The following ZNF148 variants were observed in gnomAD, a reference collection of about 807,000 sequenced individuals.
The protein encoded by ZNF148 is zinc finger protein 148.
Under a neutral mutation model 67.7 loss-of-function variants are expected in ZNF148, and 7 were observed. The ratio of observed to expected loss-of-function variants is 0.10; its 90% confidence interval spans 0.06 to 0.19. The LOEUF is 0.19. ZNF148 is among the 10% of genes least tolerant of loss of function. ZNF148 has a pLI of 1.00. For synonymous variants in ZNF148, 333 were observed against 330.7 expected, an observed-to-expected ratio of 1.01 and a Z score of -0.08; for missense variants, 583 against 947.1, an observed-to-expected ratio of 0.62 and a Z score of 5.05.
At chr3:125,239,093 A>G (rs1936228952) in intron 7 of ZNF148, among the ~76,000 whole-genome samples, 1 of 152,224 alleles carries the variant, frequency 6.6e-6, no homozygotes, top group African/African-American at 2.4e-5. Context: ...AGTGGTTATC[A>G]GGACTGAAGA....
intron 3 of ZNF148, 63 bp from the exon 4 acceptor site, chr3:125,313,719 A>G (rs1940346358): frequency 4.7e-6 from 6 of 1,281,896 alleles, no homozygotes; most frequent in Non-Finnish European, 5.4e-6. Flanking sequence ...CTTCATTTTA[A>G]ATTTTCAAAT....
rs1941164564 is a variant in ZNF148, at chr3:125,329,244, T to C, written c.-153+1914A>G. 3.4e-5 allele frequency among the ~76,000 whole-genome samples: 5 copies of C among 148,476 alleles called. No homozygotes were observed. The Admixed American group carries it at 3.4e-4, about 10-fold the overall frequency. ...TAGTATAAATATATGTATAGATATA[T>C]ATATCTGTAGTATATACATATGAAT... On this transcript the variant is annotated intron_variant, in intron 2 of 8. Transcript: ENST00000360647.
chr3:125,304,923 T>C (rs751707887), intron 4 of ZNF148, among the ~76,000 whole-genome samples: 11 of 152,106 alleles, frequency 7.2e-5, no homozygotes, highest in Non-Finnish European at 1.5e-4. Flanking sequence ...TAGAACATAA[T>C]GTGCCAAAAA....
intron 1 of ZNF148, among the ~76,000 whole-genome samples, chr3:125,332,937 T>G (rs1453510314): frequency 6.6e-6 from 1 of 152,164 alleles, no homozygotes; most frequent in Admixed American, 6.5e-5. Context: ...ATATTCAACT[T>G]TTAGAATTGC....
intron 7 of ZNF148, among the ~76,000 whole-genome samples, chr3:125,267,297 T>TC: frequency 6.7e-6 from 1 of 149,724 alleles, no homozygotes; most frequent in East Asian, 1.9e-4. Flanking sequence ...ACATCCCTGA[T>TC]GGAAATAGAT....
chr3:125,372,492 T>A (rs1942922470), intron 1 of ZNF148, among the ~76,000 whole-genome samples: 1 of 152,254 alleles, frequency 6.6e-6, no homozygotes, highest in Admixed American at 6.5e-5. Flanking sequence ...TCCGATAATG[T>A]CATTTTGATA....
intron 5 of ZNF148, among the ~76,000 whole-genome samples, chr3:125,280,122 T>C (rs771929594): frequency 3.9e-5 from 6 of 152,102 alleles, no homozygotes; most frequent in Non-Finnish European, 7.3e-5. Context: ...CTAAGAATAT[T>C]TGTCAAATAA....
At chr3:125,266,633 A>G (rs1445362008) in intron 7 of ZNF148, among the ~76,000 whole-genome samples, 1 of 152,154 alleles carries the variant, frequency 6.6e-6, no homozygotes, top group Non-Finnish European at 1.5e-5. Context: ...AAAGATTTCA[A>G]ATTAATCATG....
At chr3:125,316,450 T>C (rs1227084766) in intron 3 of ZNF148, among the ~76,000 whole-genome samples, 1 of 152,236 alleles carries the variant, frequency 6.6e-6, no homozygotes, top group Non-Finnish European at 1.5e-5. Context: ...TGTACTAATT[T>C]ACATTCCCAC....
chr3:125,320,755 C>G (rs1940735231), intron 3 of ZNF148, among the ~76,000 whole-genome samples: 1 of 152,144 alleles, frequency 6.6e-6, no homozygotes, highest in African/African-American at 2.4e-5. Flanking sequence ...CTCAAAGGAA[C>G]TTGTTCTGAA....
Position 125,233,404 on chromosome 3 carries a change from T to C in ZNF148, c.1322A>G (p.Asn441Ser), listed in dbSNP as rs1239042999. 14 of 1,613,878 alleles carry C rather than the reference T, an allele frequency of 8.7e-6. No homozygotes were observed. The highest frequency in any genetic ancestry group is 5.3e-5 in the African/African-American group (4 of 74,916). The change falls in exon 9 of 9, where the codon AAT becomes AGT. Residue 441 changes from asparagine to serine, a missense_variant. Asn to Ser is a conservative substitution (Grantham distance 46, BLOSUM62 1). Coordinates refer to ENST00000360647, the MANE Select transcript of ZNF148 (RefSeq NM_021964.3). The surrounding 1 kb of genome is among the most constrained non-coding windows in gnomAD (Gnocchi z 5.1). ...DKQALLDSEG[N>S]ADIDQVDNLQ... is the part of the protein sequence containing the mutation. ...ATTATCAACCTGATCAATGTCAGCATTGCCTTCTGAGTCCAGTAAAGCCTG... is the reference window on the plus strand; with the variant it reads ...ATTATCAACCTGATCAATGTCAGCACTGCCTTCTGAGTCCAGTAAAGCCTG...
At chr3:125,323,228 A>G (rs1338829580) in intron 3 of ZNF148, 81 bp downstream of exon 3, 2 of 450,064 alleles carry the variant, frequency 4.4e-6, no homozygotes, top group Admixed American at 3.9e-5. Context: ...TCAGTATAAA[A>G]TTCTAGCAGC....
intron 1 of ZNF148, among the ~76,000 whole-genome samples, chr3:125,356,221 C>T (rs1203581901): frequency 2.0e-5 from 3 of 152,240 alleles, no homozygotes; most frequent in South Asian, 2.1e-4. Context: ...GAAAAGTAAA[C>T]GTTCACACGT....
At chr3:125,318,475 A>C (rs2107684477) in intron 3 of ZNF148, among the ~76,000 whole-genome samples, 1 of 151,446 alleles carries the variant, frequency 6.6e-6, no homozygotes, top group East Asian at 1.9e-4. Context: ...TTTAAATCTT[A>C]TTACTCACAT....
chr3:125,235,395 A>G (rs1936038364), intron 7 of ZNF148, among the ~76,000 whole-genome samples: 1 of 152,150 alleles, frequency 6.6e-6, no homozygotes, highest in Non-Finnish European at 1.5e-5. Flanking sequence ...AAACCGAAAT[A>G]CCTACCATCT....
At chr3:125,352,752 C>A (rs71325833) in intron 1 of ZNF148, among the ~76,000 whole-genome samples, 1 of 150,062 alleles carries the variant, frequency 6.7e-6, no homozygotes, top group Non-Finnish European at 1.5e-5. Flanking sequence ...TTTGTAGATA[C>A]AGATGTGATT....
At chr3:125,240,761 T>C (rs1035481874) in intron 7 of ZNF148, among the ~76,000 whole-genome samples, 4 of 146,748 alleles carry the variant, frequency 2.7e-5, no homozygotes, top group South Asian at 4.3e-4. Flanking sequence ...CAAGATCCTG[T>C]CTGCAAAAAA....
At chr3:125,309,805 C>T (rs4679382) in intron 4 of ZNF148, among the ~76,000 whole-genome samples, 117,279 of 152,128 alleles carry the variant, frequency 0.77, 45,745 homozygotes, top group African/African-American at 0.85. Context: ...AATAAAAATG[C>T]CAGTCTATTG....
At chr3:125,300,528 C>T (rs1939530161) in intron 4 of ZNF148, among the ~76,000 whole-genome samples, 1 of 152,124 alleles carries the variant, frequency 6.6e-6, no homozygotes, top group African/African-American at 2.4e-5. Context: ...TTTCCTGGGT[C>T]ATTAAATGAA....
Sources: allele counts gnomAD v4.1 joint callset (sites outside exome capture counted in the v4.1 genomes callset), GRCh38; gene constraint gnomAD v4.1.1; non-coding constraint Gnocchi (gnomAD v3.1); transcripts MANE v1.5; gene names NCBI Gene and HGNC (gene_info 2026-07-23, HGNC 2026-07-21).